Variants in NEK7 observed in about 807,000 individuals in gnomAD.
The protein encoded by NEK7 is serine/threonine-protein kinase Nek7.
In NEK7, 18 loss-of-function variants were observed where a neutral mutation model predicts 44.6. That is an observed-to-expected ratio of 0.40 (90% confidence interval 0.28 to 0.60). The LOEUF is 0.60. Among genes scored for constraint, NEK7 ranks in the 20% least tolerant of loss-of-function variants. NEK7 has a pLI of 0.38. For missense variants in NEK7, 256 were observed against 366.5 expected (o/e 0.70, Z 2.46); for synonymous variants, 130 against 121.1 (o/e 1.07, Z -0.48).
intron 1 of NEK7, among the ~76,000 whole-genome samples, chr1:198,176,950 T>C (rs1230712025): frequency 6.6e-6 from 1 of 152,106 alleles, no homozygotes; most frequent in Non-Finnish European, 1.5e-5. Context: ...GGAAATGAGA[T>C]TCTGGAGCTA....
At chr1:198,176,974 C>T (rs1030318350) in intron 1 of NEK7, among the ~76,000 whole-genome samples, 10 of 151,930 alleles carry the variant, frequency 6.6e-5, no homozygotes, top group Admixed American at 2.0e-4. Flanking sequence ...GTTTATAAAT[C>T]GTCAGTATGT....
At chr1:198,288,647 AT>A (rs1433890051) in intron 7 of NEK7, among the ~76,000 whole-genome samples, 1 of 152,180 alleles carries the variant, frequency 6.6e-6, no homozygotes, top group African/African-American at 2.4e-5. Context: ...AAGCAGTATA[AT>A]AATTGAAACA....
intron 5 of NEK7, 53 bp downstream of exon 5, chr1:198,264,288 G>T: frequency 7.6e-7 from 1 of 1,322,912 alleles, no homozygotes; most frequent in Non-Finnish European, 1.1e-6. Flanking sequence ...TTTTCTAATA[G>T]AATTGTCTGT....
intron 1 of NEK7, among the ~76,000 whole-genome samples, chr1:198,165,748 A>G (rs975166059): frequency 1.3e-5 from 2 of 152,198 alleles, no homozygotes; most frequent in Non-Finnish European, 2.9e-5. Context: ...GCCCTTAACC[A>G]GAGCCTGTTC....
chr1:198,246,199 C>T (rs1022503278), intron 2 of NEK7, among the ~76,000 whole-genome samples: 5 of 152,162 alleles, frequency 3.3e-5, no homozygotes, highest in African/African-American at 1.2e-4. Context: ...AAGGAGACCT[C>T]CTCTTATACA....
intron 2 of NEK7, among the ~76,000 whole-genome samples, chr1:198,247,320 A>C (rs1178440678): frequency 5.3e-5 from 8 of 152,112 alleles, no homozygotes; most frequent in African/African-American, 1.7e-4. Context: ...GTGGATCATC[A>C]TGTAGGGTCC....
chr1:198,197,774 T>C (rs1665286626), intron 1 of NEK7: 6 of 700,658 alleles, frequency 8.6e-6, no homozygotes, highest in South Asian at 7.0e-5. Flanking sequence ...GTCCAGGGCC[T>C]GTATTCAGTC....
At chr1:198,274,347 TC>T (rs1653949926) in intron 5 of NEK7, among the ~76,000 whole-genome samples, 1 of 151,568 alleles carries the variant, frequency 6.6e-6, no homozygotes, top group African/African-American at 2.4e-5. Flanking sequence ...CAATTGCAAG[TC>T]CCTTTGTTAA....
chr1:198,268,810 A>G (rs1361680430), intron 5 of NEK7, among the ~76,000 whole-genome samples: 2 of 152,094 alleles, frequency 1.3e-5, no homozygotes, highest in African/African-American at 2.4e-5. Context: ...GCTTGTGCTC[A>G]GCATATATTT....
At chr1:198,157,941 G>A (rs1458101022) in intron 1 of NEK7, among the ~76,000 whole-genome samples, 1 of 152,206 alleles carries the variant, frequency 6.6e-6, no homozygotes, top group Non-Finnish European at 1.5e-5. Context: ...GCCAAAGTCA[G>A]AGAAGGGTAG....
At chr1:198,302,154 G>T (rs904191299) in intron 9 of NEK7, among the ~76,000 whole-genome samples, 3 of 151,832 alleles carry the variant, frequency 2.0e-5, no homozygotes, top group African/African-American at 7.3e-5. Flanking sequence ...AAAACTATTT[G>T]TTTTTTAAAA....
At chr1:198,273,352 A>G (rs756868375) in intron 5 of NEK7, among the ~76,000 whole-genome samples, 5 of 151,756 alleles carry the variant, frequency 3.3e-5, no homozygotes, top group Non-Finnish European at 7.4e-5. Context: ...ATTTCCCACA[A>G]TTATGTATAG....
chr1:198,185,490 TG>T (rs1447498311), intron 1 of NEK7, among the ~76,000 whole-genome samples: 2 of 152,140 alleles, frequency 1.3e-5, no homozygotes, highest in East Asian at 3.8e-4. Context: ...GGTAGATCTA[TG>T]AAAGTCTTAC....
At chr1:198,286,627 G>A (rs544736842) in intron 7 of NEK7, among the ~76,000 whole-genome samples, 12 of 152,064 alleles carry the variant, frequency 7.9e-5, no homozygotes, top group East Asian at 1.9e-4. Context: ...CAACAGAAAC[G>A]TATTATTTTT....
intron 1 of NEK7, chr1:198,198,309 A>G: frequency 2.5e-6 from 1 of 403,396 alleles, no homozygotes; most frequent in Non-Finnish European, 4.6e-6. Flanking sequence ...GTAGGACATT[A>G]CGAGCACTGT....
intron 9 of NEK7, among the ~76,000 whole-genome samples, chr1:198,310,330 G>A (rs1167622366): frequency 6.6e-6 from 1 of 151,942 alleles, no homozygotes; most frequent in Non-Finnish European, 1.5e-5. Flanking sequence ...GTTCATTGTA[G>A]ATTCTGGATA....
At chr1:198,292,678 T>G (rs930306961) in intron 7 of NEK7, among the ~76,000 whole-genome samples, 1 of 151,968 alleles carries the variant, frequency 6.6e-6, no homozygotes, top group Non-Finnish European at 1.5e-5. Context: ...TTTCCCTTAG[T>G]TATGCTCCGT....
chr1:198,298,528 CTATTA>C (rs1220208747), intron 9 of NEK7, among the ~76,000 whole-genome samples: 4 of 152,070 alleles, frequency 2.6e-5, no homozygotes, highest in Non-Finnish European at 4.4e-5. Flanking sequence ...GATGTTAATA[CTATTA>C]TGTTAGCCAT....
intron 1 of NEK7, among the ~76,000 whole-genome samples, chr1:198,204,632 T>C (rs537971421): frequency 5.5e-4 from 78 of 142,858 alleles, no homozygotes; most frequent in African/African-American, 2.0e-3. Context: ...GGCAGGAGAA[T>C]GGCATGAACC....
Sources: allele counts gnomAD v4.1 joint callset (sites outside exome capture counted in the v4.1 genomes callset), GRCh38; gene constraint gnomAD v4.1.1; transcripts MANE v1.5; gene names NCBI Gene and HGNC (gene_info 2026-07-23, HGNC 2026-07-21).